The following ESRRG variants were observed in gnomAD, a reference collection of about 807,000 sequenced individuals.
ESRRG encodes estrogen related receptor gamma, also known as estrogen-related receptor gamma.
ESRRG carries 13 observed loss-of-function variants against 44.0 expected under a neutral mutation model. The observed-to-expected ratio is 0.30, with a 90% CI of 0.19 to 0.47. The LOEUF (loss-of-function observed/expected upper bound fraction) is 0.47, where lower values mean the gene tolerates loss of function less well. ESRRG is among the 20% of genes least tolerant of loss of function. The pLI is 1.00. For synonymous variants in ESRRG, 215 were observed against 214.6 expected (o/e 1.00, Z -0.02); for missense variants, 395 against 580.6 (o/e 0.68, Z 3.29).
chr1:216,829,327 G>A (rs183909377), intron 2 of ESRRG, among the ~76,000 whole-genome samples: 1 of 152,152 alleles, frequency 6.6e-6, no homozygotes, highest in African/African-American at 2.4e-5. Context: ...CCATCAACAC[G>A]AAAGGGCCAT....
intron 3 of ESRRG, among the ~76,000 whole-genome samples, chr1:216,637,670 T>C (rs1342393314): frequency 6.6e-6 from 1 of 152,236 alleles, no homozygotes; most frequent in Non-Finnish European, 1.5e-5. Flanking sequence ...GGGCAAGTTA[T>C]TTATCAAGTT....
chr1:216,997,850 C>T (rs1283517609), intron 1 of ESRRG, among the ~76,000 whole-genome samples: 1 of 152,176 alleles, frequency 6.6e-6, no homozygotes, highest in African/African-American at 2.4e-5. Flanking sequence ...TATTACATTA[C>T]CATTTTCCTG....
chr1:216,893,181 C>T (rs1050698283), intron 2 of ESRRG, among the ~76,000 whole-genome samples: 6 of 152,146 alleles, frequency 3.9e-5, no homozygotes, highest in African/African-American at 1.4e-4. Context: ...GCCTAGAATG[C>T]TCCTCCATCC....
At chr1:216,638,473 G>A (rs2065747775) in intron 3 of ESRRG, among the ~76,000 whole-genome samples, 1 of 152,116 alleles carries the variant, frequency 6.6e-6, no homozygotes, top group Admixed American at 6.6e-5. Context: ...TTCCTTAGTT[G>A]CATTAGACAC....
At chr1:216,585,283 AT>A (rs1180829885) in intron 3 of ESRRG, among the ~76,000 whole-genome samples, 2 of 152,222 alleles carry the variant, frequency 1.3e-5, no homozygotes, top group African/African-American at 4.8e-5. Flanking sequence ...ATTAACTCAC[AT>A]TTAGTAAACT....
chr1:216,796,380 C>T (rs146678225), intron 2 of ESRRG, among the ~76,000 whole-genome samples: 2 of 152,070 alleles, frequency 1.3e-5, no homozygotes, highest in African/African-American at 4.8e-5. Context: ...ACAGAGACAC[C>T]GATATTTTGG....
chr1:216,882,859 C>A (rs922270143), intron 2 of ESRRG, among the ~76,000 whole-genome samples: 1 of 151,818 alleles, frequency 6.6e-6, no homozygotes, highest in Non-Finnish European at 1.5e-5. Flanking sequence ...ACTTTGTCAG[C>A]TGTCCAAGAG....
chr1:217,005,122 T>C (rs959160212), intron 1 of ESRRG, among the ~76,000 whole-genome samples: 1 of 152,166 alleles, frequency 6.6e-6, no homozygotes, highest in African/African-American at 2.4e-5. Context: ...ACCAAAGAGA[T>C]GTCTTAGTTA....
intron 3 of ESRRG, among the ~76,000 whole-genome samples, chr1:216,615,678 A>C (rs975329599): frequency 2.0e-5 from 3 of 151,318 alleles, no homozygotes; most frequent in African/African-American, 7.3e-5. Flanking sequence ...AGTGTTACCC[A>C]TATGTGGAAA....
chr1:216,913,626 C>T (rs1201375193), intron 2 of ESRRG, among the ~76,000 whole-genome samples: 1 of 152,242 alleles, frequency 6.6e-6, no homozygotes, highest in African/African-American at 2.4e-5. Flanking sequence ...CACTCTACGG[C>T]CCTTGCCGAT....
At chr1:216,860,061 C>A (rs1015748377) in intron 2 of ESRRG, among the ~76,000 whole-genome samples, 1 of 152,024 alleles carries the variant, frequency 6.6e-6, no homozygotes, top group Non-Finnish European at 1.5e-5. Flanking sequence ...GCCAGGAGTT[C>A]GAGACCAGCC....
intron 2 of ESRRG, among the ~76,000 whole-genome samples, chr1:216,781,080 T>C (rs373914916): frequency 6.6e-6 from 1 of 152,130 alleles, no homozygotes; most frequent in East Asian, 1.9e-4. Flanking sequence ...GCAATGTCAA[T>C]CTCTTATCCA....
At chr1:217,014,696 C>T (rs1444001893) in intron 1 of ESRRG, among the ~76,000 whole-genome samples, 1 of 152,154 alleles carries the variant, frequency 6.6e-6, no homozygotes, top group African/African-American at 2.4e-5. Context: ...ACTTCTTCAT[C>T]TTAGGATGTT....
At chr1:216,817,844 CA>C (rs1391622052) in intron 2 of ESRRG, among the ~76,000 whole-genome samples, 1 of 151,974 alleles carries the variant, frequency 6.6e-6, no homozygotes. Context: ...TTCTGAAGCA[CA>C]AAGTCACAAT....
At chr1:217,054,394 A>G (rs1269760218) in intron 1 of ESRRG, among the ~76,000 whole-genome samples, 2 of 152,190 alleles carry the variant, frequency 1.3e-5, no homozygotes, top group Admixed American at 6.5e-5. Context: ...TATTAATACC[A>G]AAACTCAGAA....
chr1:217,122,226 G>A (rs1230799852), intron 1 of ESRRG, among the ~76,000 whole-genome samples: 2 of 152,148 alleles, frequency 1.3e-5, no homozygotes, highest in Non-Finnish European at 2.9e-5. Flanking sequence ...ATATCCAAGA[G>A]ACAACTGCCA....
chr1:216,765,856 T>C (rs1423968399), intron 2 of ESRRG, among the ~76,000 whole-genome samples: 2 of 152,156 alleles, frequency 1.3e-5, no homozygotes, highest in Non-Finnish European at 2.9e-5. Flanking sequence ...GGACTTTAGC[T>C]GAACTCGACA....
intron 1 of ESRRG, among the ~76,000 whole-genome samples, chr1:217,118,718 G>A (rs866843646): frequency 6.6e-6 from 1 of 152,208 alleles, no homozygotes; most frequent in Non-Finnish European, 1.5e-5. Flanking sequence ...CAGGCTGGAT[G>A]TGGTAGCTCT....
At chr1:216,804,463 G>A (rs1338362221) in intron 2 of ESRRG, among the ~76,000 whole-genome samples, 5 of 151,970 alleles carry the variant, frequency 3.3e-5, no homozygotes, top group Non-Finnish European at 5.9e-5. Flanking sequence ...CTTCAATCTT[G>A]GTACTTTTTA....
Sources: allele counts gnomAD v4.1 joint callset (sites outside exome capture counted in the v4.1 genomes callset), GRCh38; gene constraint gnomAD v4.1.1; transcripts MANE v1.5; gene names NCBI Gene and HGNC (gene_info 2026-07-23, HGNC 2026-07-21).